The following YIPF5 variants were observed in gnomAD, a reference collection of about 807,000 sequenced individuals.
The protein encoded by YIPF5 is Yip1 domain family member 5.
In YIPF5, 8 loss-of-function variants were observed where a neutral mutation model predicts 30.4. The ratio of observed to expected loss-of-function variants is 0.26; its 90% CI spans 0.15 to 0.47. The LOEUF (loss-of-function observed/expected upper bound fraction) is 0.47, where lower values mean the gene tolerates loss of function less well. Ranked by LOEUF, YIPF5 falls within the 20% of genes least tolerant of loss-of-function variation. The pLI, the probability that YIPF5 is intolerant of heterozygous loss-of-function variation, is 0.99. For synonymous variants in YIPF5, 104 were observed against 107.9 expected, an observed-to-expected ratio of 0.96 and a Z score of 0.23; for missense variants, 282 against 301.8, an observed-to-expected ratio of 0.93 and a Z score of 0.49.
Position 144,159,206 on chromosome 5 carries a change from G to A in YIPF5, c.*1191C>T. On this transcript the variant is annotated 3_prime_UTR_variant, in exon 6 of 6. Transcript: ENST00000274496. ...GCTTAAATTAGGGGTCAAAATCAGAGCCTAGTTAAAAAAGAGACAAAGAGA... is the reference window on the plus strand; with the variant it reads ...GCTTAAATTAGGGGTCAAAATCAGAACCTAGTTAAAAAAGAGACAAAGAGA... 1.0e-6 allele frequency: 1 copy of A among 984,532 alleles called. No individual in the cohort carries two copies. The highest frequency in any genetic ancestry group is 1.2e-6 in the Non-Finnish European group (1 of 829,208). The allele number at this position is 984,532 out of a possible 1,614,324, so 61.0% of individuals were successfully genotyped here. A position where few individuals can be genotyped will look rare whatever the true frequency, so the allele number is the denominator to read the frequency against.
Position 144,159,413 on chromosome 5 carries a change from G to A in YIPF5, c.*984C>T, listed in dbSNP as rs919308729. 7.1e-6 allele frequency: 7 copies of A among 985,280 alleles called. No individual in the cohort carries two copies. The highest frequency in any genetic ancestry group is 8.4e-6 in the Non-Finnish European group (7 of 829,886). The allele number at this position is 985,280 out of a possible 1,614,324, so 61.0% of individuals were successfully genotyped here. ...TTTTTGGGAAATGTGGCGATCCAACGATTATAGCATTAATGCAACCATTCC... is the reference window on the plus strand; with the variant it reads ...TTTTTGGGAAATGTGGCGATCCAACAATTATAGCATTAATGCAACCATTCC... On this transcript the variant is annotated 3_prime_UTR_variant, in exon 6 of 6. Transcript: ENST00000274496.
chr5:144,162,877 T>C (rs1170271090), intron 4 of YIPF5, among the ~76,000 whole-genome samples: 1 of 152,174 alleles, frequency 6.6e-6, no homozygotes, highest in Non-Finnish European at 1.5e-5. Flanking sequence ...TGATTCACTT[T>C]ATATGGGTGC....
chr5:144,164,014 G>T (rs1379111146), intron 4 of YIPF5, 97 bp downstream of exon 4: 2 of 1,435,302 alleles, frequency 1.4e-6, no homozygotes, highest in Non-Finnish European at 1.9e-6. Flanking sequence ...AAAGACTTGA[G>T]GTGTAAAGCG....
chr5:144,159,233 C>T lies in YIPF5; in HGVS notation c.*1164G>A. On this transcript the variant is annotated 3_prime_UTR_variant, in exon 6 of 6. Coordinates refer to ENST00000274496, the MANE Select transcript of YIPF5 (RefSeq NM_030799.9). ...CTAGTTAAAAAAGAGACAAAGAGAA[C>T]AGTAGTTTAGTAAAAGTAAATTCAA... is the stretch of plus-strand genomic sequence containing the variant. 4 of 981,416 alleles carry T rather than the reference C, an allele frequency of 4.1e-6. No individual in the cohort carries two copies. The highest frequency in any genetic ancestry group is 4.8e-6 in the Non-Finnish European group (4 of 826,418). 60.8% of individuals were successfully genotyped at this position (981,416 alleles called of 1,614,324 possible). A position where few individuals can be genotyped will look rare whatever the true frequency, so the allele number is the denominator to read the frequency against.
At chr5:144,164,464 T>C (rs1752143889) in intron 3 of YIPF5, among the ~76,000 whole-genome samples, 1 of 152,116 alleles carries the variant, frequency 6.6e-6, no homozygotes, top group South Asian at 2.1e-4. Flanking sequence ...TAGCTCACTA[T>C]AGCCTCAAAC....
rs778505668 is a variant in YIPF5 at position 144,164,250 on chromosome 5, C to T, written c.290G>A (p.Gly97Asp). 2 of 1,605,316 alleles carry T rather than the reference C, an allele frequency of 1.2e-6. No individual in the cohort carries two copies. The highest frequency in any genetic ancestry group is 2.2e-5 in the East Asian group (1 of 44,608). Residue 97 changes from glycine (G) to aspartate (D), a missense_variant, in exon 4 of 6, where the codon GGT becomes GAT. By Grantham distance (94) the Gly-to-Asp change is moderately conservative. Coordinates refer to ENST00000274496, the MANE Select transcript of YIPF5 (RefSeq NM_030799.9). ...EDEPPLLEEL[G>D]INFDHIWQKT... is the part of the protein sequence containing the mutation. The stretch of plus-strand genomic sequence containing the variant: ...TTGCCAGATGTGGTCAAAATTGATA[C>T]CTAACTCTAAAGAGAAAGAAAATTT...
At position 144,165,316 on chromosome 5, in the gene YIPF5, CT is replaced by C. The variant is rs1418990002; in HGVS notation, c.283+115del. On this transcript the variant is annotated intron_variant, in intron 3 of 5. Transcript: ENST00000274496. The stretch of plus-strand genomic sequence containing the variant: ...TTAAAATGAGTTGTTTAGCAGAAAA[CT>C]TTTTTCTACAGATTATTTTTTTTAA... 4.3e-6 allele frequency: 6 copies of C among 1,403,508 alleles called. No individual in the cohort carries two copies. In the East Asian group the frequency reaches 9.8e-5, roughly 23 times the overall value. 86.9% of individuals were successfully genotyped at this position (1,403,508 alleles called of 1,614,324 possible).
At position 144,160,043 on chromosome 5, in the gene YIPF5, T is replaced by C. The variant is rs1033740126; in HGVS notation, c.*354A>G. ...TTCTTTACTGTGACTGGGTCGTTTT[T>C]AAGAAAGGTTATCAGCTTTGTGTTT... On this transcript the variant is annotated 3_prime_UTR_variant, in exon 6 of 6. Coordinates refer to ENST00000274496, the MANE Select transcript of YIPF5 (RefSeq NM_030799.9). 8 of 996,780 alleles carry C rather than the reference T, an allele frequency of 8.0e-6. No individual in the cohort carries two copies. Among genetic ancestry groups the C allele is most frequent in the Non-Finnish European group, 9.6e-6 (8 of 837,696 alleles). 61.7% of individuals were successfully genotyped at this position (996,780 alleles called of 1,614,324 possible). A position where few individuals can be genotyped will look rare whatever the true frequency, so the allele number is the denominator to read the frequency against.
chr5:144,170,254 A>G, intron 1 of YIPF5: 2 of 367,688 alleles, frequency 5.4e-6, no homozygotes, highest in Non-Finnish European at 1.0e-5. Flanking sequence ...GCGGTCTAAA[A>G]TATCAATAAC....
rs11459784 is a variant in YIPF5 at position 144,159,706 on chromosome 5, CTTTTTTT to C, written c.*684_*690del. The C allele has an allele frequency of 1.5e-5, 13 of 895,386 alleles. No individual in the cohort carries two copies. Among genetic ancestry groups the C allele is most frequent in the Non-Finnish European group, 1.7e-5 (13 of 758,832 alleles). 55.5% of individuals were successfully genotyped at this position (895,386 alleles called of 1,614,324 possible). A position where few individuals can be genotyped will look rare whatever the true frequency, so the allele number is the denominator to read the frequency against. On this transcript the variant is annotated 3_prime_UTR_variant, in exon 6 of 6. Transcript: ENST00000274496. ...ATTTTTGCAGTAAGTCTTGTGTCTC[CTTTTTTT>C]TTTTTTTTTGAGACAGAGTCTCACC...
In YIPF5 at chr5:144,159,351, A is replaced by G; in HGVS notation, c.*1046T>C. The G allele has an allele frequency of 1.0e-6, 1 of 982,846 alleles. No homozygotes were observed. Among genetic ancestry groups the G allele is most frequent in the African/African-American group, 1.7e-5 (1 of 57,294 alleles). The allele number at this position is 982,846 out of a possible 1,614,324, so 60.9% of individuals were successfully genotyped here. A position where few individuals can be genotyped will look rare whatever the true frequency, so the allele number is the denominator to read the frequency against. ...AATATTGAATTTTGTAAAACTTTAA[A>G]TATTTTCCTTAAAAAAGGTTAGTGA... On this transcript the variant is annotated 3_prime_UTR_variant, in exon 6 of 6. Transcript: ENST00000274496.
At position 144,162,270 on chromosome 5, in the gene YIPF5, A is replaced by C; in HGVS notation, c.559T>G (p.Cys187Gly). ...FGCVASVLGYCLLPMILLSSF... is the reference protein window; with the variant it reads ...FGCVASVLGYGLLPMILLSSF... ...GAAAGTAGGATCATGGGCAGAAGAC[A>C]ATATCCAAGGACACTTGCCACACAA... The change falls in exon 5 of 6, where the codon TGT becomes GGT. Residue 187 changes from cysteine (C) to glycine (G), a missense_variant. Physicochemically the swap from Cys to Gly is radical, Grantham distance 159 (BLOSUM62 -3). Coordinates refer to ENST00000274496, the MANE Select transcript of YIPF5 (RefSeq NM_030799.9). 1 of 1,614,146 alleles carries C rather than the reference A, an allele frequency of 6.2e-7. No homozygotes were observed. Among genetic ancestry groups the C allele is most frequent in the South Asian group, 1.1e-5 (1 of 91,086 alleles).
In YIPF5 at chr5:144,159,959, CG is replaced by C. The variant is rs1751985300; in HGVS notation, c.*437del. 20 of 958,074 alleles carry C rather than the reference CG, an allele frequency of 2.1e-5. No homozygotes were observed. Among genetic ancestry groups the C allele is most frequent in the Non-Finnish European group, 2.5e-5 (20 of 804,964 alleles). The allele number at this position is 958,074 out of a possible 1,614,324, so 59.3% of individuals were successfully genotyped here. A position where few individuals can be genotyped will look rare whatever the true frequency, so the allele number is the denominator to read the frequency against. On this transcript the variant is annotated 3_prime_UTR_variant, in exon 6 of 6. Coordinates refer to ENST00000274496, the MANE Select transcript of YIPF5 (RefSeq NM_030799.9). ...TCCTGCCCTTGTGATCCGCCCGCCTCGGCCTCCCAAAGTGCTGGGATTACAG... is the reference window on the plus strand; with the variant it reads ...TCCTGCCCTTGTGATCCGCCCGCCTCGCCTCCCAAAGTGCTGGGATTACAG...
chr5:144,166,199 T>C (rs1580758119), intron 2 of YIPF5, among the ~76,000 whole-genome samples: 1 of 152,190 alleles, frequency 6.6e-6, no homozygotes, highest in East Asian at 1.9e-4. Context: ...TAACAAAAGA[T>C]TTTTAGTACA....
rs775302548 is a variant in YIPF5, at chr5:144,162,385, C to A, written c.444G>T (p.Gln148His). Reference sequence around the variant, plus strand: ...CACTGATCCCGTATACATAGCCAAACTGGATTTTGCCAGCCTATGGGTAAA... The same window carrying A: ...CACTGATCCCGTATACATAGCCAAAATGGATTTTGCCAGCCTATGGGTAAA... ...GATLLLAGKI[Q>H]FGYVYGISAI... The change falls in exon 5 of 6, where the codon CAG (glutamine) becomes CAT (histidine). Residue 148 changes from glutamine (Q) to histidine (H), a missense_variant. Transcript: ENST00000274496. The A allele has an allele frequency of 3.7e-6, 6 of 1,611,514 alleles. No homozygotes were observed. The Admixed American group carries it at 8.4e-5, about 23-fold the overall frequency.
rs1471755209 is a variant in YIPF5 at position 144,160,144 on chromosome 5, A to G, written c.*253T>C. On this transcript the variant is annotated 3_prime_UTR_variant, in exon 6 of 6. Transcript: ENST00000274496. ...AAAAAGGTTTTTCAATGGCTGCAGGAACCAGAAAGAAATAGCATTTCTTAT... is the reference window on the plus strand; with the variant it reads ...AAAAAGGTTTTTCAATGGCTGCAGGGACCAGAAAGAAATAGCATTTCTTAT... 8 of 1,176,702 alleles carry G rather than the reference A, an allele frequency of 6.8e-6. No homozygotes were observed. The highest frequency in any genetic ancestry group is 4.5e-5 in the Admixed American group (1 of 22,436). The allele number at this position is 1,176,702 out of a possible 1,614,324, so 72.9% of individuals were successfully genotyped here. A position where few individuals can be genotyped will look rare whatever the true frequency, so the allele number is the denominator to read the frequency against.
intron 1 of YIPF5, 61 bp from the exon 2 acceptor site, chr5:144,170,026 T>G: frequency 7.3e-7 from 1 of 1,375,474 alleles, no homozygotes; most frequent in Non-Finnish European, 1.0e-6. Context: ...AATTCGTTCC[T>G]GGCAGTCTGC....
chr5:144,170,098 A>G, intron 1 of YIPF5, 133 bp from the exon 2 acceptor site: 1 of 677,442 alleles, frequency 1.5e-6, no homozygotes, highest in Non-Finnish European at 2.6e-6. Context: ...TGGGGGCGGA[A>G]AGTACGCAGC....
intron 4 of YIPF5, 78 bp from the exon 5 acceptor site, chr5:144,162,477 G>T: frequency 7.8e-7 from 1 of 1,289,202 alleles, no homozygotes; most frequent in Non-Finnish European, 1.1e-6. Flanking sequence ...ATCAGTACAT[G>T]TAGCAAATAA....
Sources: gnomAD v4.1 joint callset for allele counts (sites outside exome capture counted in the v4.1 genomes callset) on GRCh38, gnomAD v4.1.1 for gene constraint, MANE v1.5 for transcripts, NCBI Gene and HGNC (gene_info 2026-07-23, HGNC 2026-07-21) for gene names.